GALNT13: variants seen among roughly 807,000 people sequenced by gnomAD.
GALNT13 encodes the protein polypeptide N-acetylgalactosaminyltransferase 13.
GALNT13 carries 28 observed loss-of-function variants against 64.2 expected under a neutral mutation model. The observed-to-expected ratio is 0.44, with a 90% CI of 0.32 to 0.60. The LOEUF (loss-of-function observed/expected upper bound fraction) is 0.60. Among genes scored for constraint, GALNT13 ranks in the 20% least tolerant of loss-of-function variants. The probability of loss-of-function intolerance (pLI) is 0.05; values close to 1 mark genes in which losing one functional copy is unlikely to be tolerated. For synonymous variants in GALNT13, 214 were observed against 224.6 expected (o/e 0.95, Z 0.42); for missense variants, 577 against 669.8 (o/e 0.86, Z 1.53).
chr2:153,195,973 CAG>C, the GALNT13 span, among the ~76,000 whole-genome samples: 1 of 152,128 alleles, frequency 6.6e-6, no homozygotes, highest in Admixed American at 6.5e-5. Flanking sequence ...CAGCTCTTAG[CAG>C]AGAGAGTAGC....
the GALNT13 span, among the ~76,000 whole-genome samples, chr2:153,836,198 A>T: frequency 5.3e-5 from 8 of 152,080 alleles, no homozygotes; most frequent in African/African-American, 1.9e-4. Flanking sequence ...GTGATAAGAC[A>T]AGGAGAAAAT....
At chr2:154,085,514 G>C (rs954808605) in intron 3 of GALNT13, among the ~76,000 whole-genome samples, 4 of 152,014 alleles carry the variant, frequency 2.6e-5, no homozygotes, top group African/African-American at 9.7e-5. Context: ...GTATAAAAGA[G>C]TTAGTGTGCT....
chr2:153,773,446 A>G, the GALNT13 span, among the ~76,000 whole-genome samples: 1 of 152,216 alleles, frequency 6.6e-6, no homozygotes, highest in Non-Finnish European at 1.5e-5. Context: ...GTCACTTGCC[A>G]CTTTAATTTG....
chr2:153,322,202 C>T, the GALNT13 span, among the ~76,000 whole-genome samples: 1 of 152,000 alleles, frequency 6.6e-6, no homozygotes, highest in African/African-American at 2.4e-5. Context: ...TCTACTGTTG[C>T]CAACTTTGTG....
the GALNT13 span, among the ~76,000 whole-genome samples, chr2:153,472,364 C>A: frequency 6.6e-6 from 1 of 152,116 alleles, no homozygotes. Flanking sequence ...ACTATGAATT[C>A]TAGAAATAAT....
chr2:154,101,430 T>A (rs1702343952), intron 3 of GALNT13, among the ~76,000 whole-genome samples: 1 of 152,076 alleles, frequency 6.6e-6, no homozygotes, highest in African/African-American at 2.4e-5. Flanking sequence ...GTTTTCTAGT[T>A]TGTGCACATG....
chr2:153,771,429 G>T, the GALNT13 span, among the ~76,000 whole-genome samples: 2 of 151,942 alleles, frequency 1.3e-5, no homozygotes, highest in African/African-American at 4.8e-5. Context: ...GGTACCTCAG[G>T]CTCCTATTCC....
intron 3 of GALNT13, among the ~76,000 whole-genome samples, chr2:154,138,468 T>G (rs1010798408): frequency 2.0e-5 from 3 of 151,744 alleles, no homozygotes; most frequent in African/African-American, 7.3e-5. Context: ...ATTTAACCAT[T>G]CAAAAGAATC....
the GALNT13 span, among the ~76,000 whole-genome samples, chr2:153,847,628 T>TA: frequency 3.2e-4 from 48 of 148,104 alleles, no homozygotes; most frequent in Admixed American, 4.7e-4. Context: ...AACCCAGGAG[T>TA]AAAAAAAAAA....
chr2:153,893,772 T>C (rs1687717399), intron 1 of GALNT13, among the ~76,000 whole-genome samples: 1 of 152,066 alleles, frequency 6.6e-6, no homozygotes, highest in Admixed American at 6.6e-5. Flanking sequence ...AATTGTTGCT[T>C]TTATGGATTT....
chr2:154,295,413 G>C (rs1296089779), intron 8 of GALNT13, among the ~76,000 whole-genome samples: 1 of 145,024 alleles, frequency 6.9e-6, no homozygotes, highest in African/African-American at 2.5e-5. Flanking sequence ...ACCCAGGCTG[G>C]AGTGCAGTGG....
the GALNT13 span, among the ~76,000 whole-genome samples, chr2:153,425,259 A>T: frequency 6.6e-6 from 1 of 151,670 alleles, no homozygotes; most frequent in Non-Finnish European, 1.5e-5. Flanking sequence ...GAAAAATATT[A>T]ATATCTCCTG....
At chr2:154,341,461 T>C (rs143443607) in intron 9 of GALNT13, among the ~76,000 whole-genome samples, 2,638 of 152,138 alleles carry the variant, frequency 0.017, 76 homozygotes, top group African/African-American at 0.06. Context: ...GGGAAGGCCT[T>C]GTTGGGAAAA....
At chr2:153,709,071 C>T in the GALNT13 span, among the ~76,000 whole-genome samples, 12 of 151,852 alleles carry the variant, frequency 7.9e-5, no homozygotes, top group South Asian at 2.1e-4. Flanking sequence ...CATTGGTCTG[C>T]GCAATAATTT....
chr2:153,866,410 T>A, the GALNT13 span, among the ~76,000 whole-genome samples: 136,023 of 152,240 alleles, frequency 0.89, 61,529 homozygotes, highest in Non-Finnish European at 0.94. Flanking sequence ...CCACCTCCCT[T>A]TATAAACAAA....
chr2:153,191,472 T>C, the GALNT13 span, among the ~76,000 whole-genome samples: 1 of 152,180 alleles, frequency 6.6e-6, no homozygotes, highest in East Asian at 1.9e-4. Flanking sequence ...AGTTTACTTG[T>C]ATTTTGTCAA....
chr2:154,048,782 C>T (rs1699417910), intron 3 of GALNT13, among the ~76,000 whole-genome samples: 1 of 151,898 alleles, frequency 6.6e-6, no homozygotes, highest in Admixed American at 6.6e-5. Context: ...TTATATTTCT[C>T]ATGGTGCTAT....
chr2:153,600,647 C>G, the GALNT13 span, among the ~76,000 whole-genome samples: 1 of 151,988 alleles, frequency 6.6e-6, no homozygotes, highest in Non-Finnish European at 1.5e-5. Flanking sequence ...TCAATAATTT[C>G]TCTTCCAGTC....
At chr2:154,227,778 G>A (rs114792728) in intron 4 of GALNT13, among the ~76,000 whole-genome samples, 49 of 151,894 alleles carry the variant, frequency 3.2e-4, no homozygotes, top group African/African-American at 1.1e-3. Flanking sequence ...CCCATTTCCC[G>A]TTTGCACCTG....
Sources: gnomAD v4.1 joint callset for allele counts (sites outside exome capture counted in the v4.1 genomes callset) on GRCh38, gnomAD v4.1.1 for gene constraint, MANE v1.5 for transcripts, NCBI Gene and HGNC (gene_info 2026-07-23, HGNC 2026-07-21) for gene names.